The following JAKMIP3 variants were observed in gnomAD, a reference collection of about 807,000 sequenced individuals.
The protein encoded by JAKMIP3 is janus kinase and microtubule-interacting protein 3.
In JAKMIP3, 58 loss-of-function variants were observed where a neutral mutation model predicts 118.5. The observed-to-expected ratio is 0.49, with a 90% CI of 0.40 to 0.61. The LOEUF (loss-of-function observed/expected upper bound fraction) is 0.61. Among genes scored for constraint, JAKMIP3 ranks in the 20% least tolerant of loss-of-function variants. The probability of loss-of-function intolerance (pLI) is 0.00; values close to 1 mark genes in which losing one functional copy is unlikely to be tolerated. For missense variants in JAKMIP3, 950 were observed against 1,109.0 expected (o/e 0.86, Z 2.04); for synonymous variants, 486 against 451.2 (o/e 1.08, Z -0.98).
In JAKMIP3 at chr10:132,135,745, TCTGGGCAAGTGGGTTCACCCGGGCG is replaced by T. The variant is rs1198311254; in HGVS notation, c.970-178_970-154del. Among the ~76,000 whole-genome samples, 208 of 152,216 alleles carry T rather than the reference TCTGGGCAAGTGGGTTCACCCGGGCG, an allele frequency of 1.4e-3. 1 individual carries two copies. The highest frequency in any genetic ancestry group is 4.9e-3 in the African/African-American group (205 of 41,542). The stretch of plus-strand genomic sequence containing the variant: ...ACTGGACGAGCAGGTTCACCAGTGC[TCTGGGCAAGTGGGTTCACCCGGGCG>T]CTGGGCCAGTGGGCACCACTTGGAG... On this transcript the variant is annotated intron_variant, in intron 5 of 23. Transcript: ENST00000684848.
intron 1 of JAKMIP3, among the ~76,000 whole-genome samples, chr10:132,039,973 T>C (rs1322213974): frequency 1.3e-5 from 2 of 152,230 alleles, no homozygotes; most frequent in Non-Finnish European, 2.9e-5. Flanking sequence ...AATTCTAAAA[T>C]TTCAGAAGGC....
intron 3 of JAKMIP3, among the ~76,000 whole-genome samples, chr10:132,119,655 C>G (rs528034445): frequency 8.3e-4 from 127 of 152,314 alleles, no homozygotes; most frequent in Non-Finnish European, 1.5e-3. Context: ...CTTTGTTCAC[C>G]TTAAAGAGTA....
chr10:132,092,096 C>T (rs572469343), intron 1 of JAKMIP3, among the ~76,000 whole-genome samples: 1 of 152,168 alleles, frequency 6.6e-6, no homozygotes, highest in South Asian at 2.1e-4. Context: ...ATACTGGCCC[C>T]CACTCTCTTC....
At chr10:132,078,578 A>C (rs1409028094) in intron 1 of JAKMIP3, among the ~76,000 whole-genome samples, 5 of 130,172 alleles carry the variant, frequency 3.8e-5, no homozygotes, top group South Asian at 2.7e-4. Flanking sequence ...TGCGCATAAC[A>C]CGCCCCCTTT....
intron 2 of JAKMIP3, among the ~76,000 whole-genome samples, chr10:132,110,634 G>A (rs1031522401): frequency 1.3e-5 from 2 of 152,260 alleles, no homozygotes; most frequent in Admixed American, 6.5e-5. Context: ...TCTGGAAAAA[G>A]CGTCTTGGAT....
At chr10:132,099,015 A>G (rs2044405984) in intron 1 of JAKMIP3, among the ~76,000 whole-genome samples, 2 of 152,206 alleles carry the variant, frequency 1.3e-5, no homozygotes, top group South Asian at 4.1e-4. Context: ...TGGTGAGGTC[A>G]CAGGAGCTGC....
chr10:132,116,160 G>A (rs981747054), intron 2 of JAKMIP3, among the ~76,000 whole-genome samples: 7 of 152,332 alleles, frequency 4.6e-5, no homozygotes, highest in East Asian at 3.9e-4. Flanking sequence ...CTTCTGGAAC[G>A]TATTTTTGAT....
At chr10:132,088,407 G>T (rs928690179) in intron 1 of JAKMIP3, among the ~76,000 whole-genome samples, 6 of 152,140 alleles carry the variant, frequency 3.9e-5, no homozygotes, top group African/African-American at 1.4e-4. Flanking sequence ...ATTCTAACTG[G>T]TGTGAGATGG....
chr10:132,146,436 G>A (rs2054623111), intron 13 of JAKMIP3, among the ~76,000 whole-genome samples: 1 of 152,166 alleles, frequency 6.6e-6, no homozygotes, highest in Admixed American at 6.5e-5. Flanking sequence ...GGGAGCAGGT[G>A]ATGTGGCATG....
chr10:132,180,606 T>TGTGTGTGTGC lies in JAKMIP3; in HGVS notation c.*1104-1733_*1104-1724dup, dbSNP rs1326555299. On this transcript the variant is annotated intron_variant, in intron 23 of 23. Coordinates refer to ENST00000684848, the MANE Select transcript of JAKMIP3 (RefSeq NM_001323087.2). Reference sequence around the variant, plus strand: ...GTGCGCGTGTGTGTGTGCGTGCGCGTGTGTGTGTGCGTGTGTGTGCGTGTG... The same window carrying TGTGTGTGTGC: ...GTGCGCGTGTGTGTGTGCGTGCGCGTGTGTGTGTGCGTGTGTGTGCGTGTGTGTGCGTGTG... 1.6e-4 allele frequency among the ~76,000 whole-genome samples: 4 copies of TGTGTGTGTGC among 24,800 alleles called. 1 individual carries two copies. The highest frequency in any genetic ancestry group is 4.7e-4 in the African/African-American group (2 of 4,230). 16.3% of individuals were successfully genotyped at this position (24,800 alleles called of 152,430 possible).
chr10:132,040,250 A>G lies in JAKMIP3; in HGVS notation c.-138+3512A>G, dbSNP rs563899434. Among the ~76,000 whole-genome samples the G allele has an allele frequency of 1.2e-4, 18 of 152,336 alleles. No homozygotes were observed. The East Asian group carries it at 3.3e-3, about 28-fold the overall frequency. ...CACAGGGCACAGAGGCAGCTCTGTA[A>G]GCCAGGAAGGACCCTCACCAGGAAC... On this transcript the variant is annotated intron_variant, in intron 1 of 23. Transcript: ENST00000657785.
At position 132,112,825 on chromosome 10, in the gene JAKMIP3, C is replaced by A. The variant is rs1382830088; in HGVS notation, c.136-4252C>A. Among the ~76,000 whole-genome samples the A allele has an allele frequency of 1.3e-5, 2 of 152,208 alleles. No individual in the cohort carries two copies. The highest frequency in any genetic ancestry group is 2.9e-5 in the Non-Finnish European group (2 of 68,036). On this transcript the variant is annotated intron_variant, in intron 2 of 23. Coordinates refer to ENST00000684848, the MANE Select transcript of JAKMIP3 (RefSeq NM_001323087.2). This position sits in a 1 kb window ranked among gnomAD's most constrained non-coding sequence, Gnocchi z 4.3. Reference sequence around the variant, plus strand: ...GACGCATCTGACTCTCCAGCCGCCGCTTCTTGGTCAGCCTGCCTCTGCCTG... The same window carrying A: ...GACGCATCTGACTCTCCAGCCGCCGATTCTTGGTCAGCCTGCCTCTGCCTG...
At chr10:132,103,517 G>T (rs1435175249) in intron 1 of JAKMIP3, among the ~76,000 whole-genome samples, 1 of 139,722 alleles carries the variant, frequency 7.2e-6, no homozygotes, top group Non-Finnish European at 1.5e-5. Flanking sequence ...TTGGTGGGGG[G>T]AGCCTCTGAG....
intron 11 of JAKMIP3, 42 bp downstream of exon 11, chr10:132,142,090 C>G: frequency 6.4e-7 from 1 of 1,559,386 alleles, no homozygotes; most frequent in Non-Finnish European, 8.7e-7. Context: ...CCCCTCGTGC[C>G]TTCCCGCTTG....
At chr10:132,137,674 C>T (rs896339443) in intron 8 of JAKMIP3, among the ~76,000 whole-genome samples, 1 of 152,240 alleles carries the variant, frequency 6.6e-6, no homozygotes, top group Non-Finnish European at 1.5e-5. Flanking sequence ...CATGAAACCA[C>T]AGCATGGGTT....
At chr10:132,144,928 C>CAAA (rs201179686) in intron 11 of JAKMIP3, among the ~76,000 whole-genome samples, 179 bp from the exon 12 acceptor site, 1 of 149,400 alleles carries the variant, frequency 6.7e-6, no homozygotes, top group African/African-American at 2.5e-5. Context: ...AACCCTGTCT[C>CAAA]AAAAAAAAAC....
intron 1 of JAKMIP3, among the ~76,000 whole-genome samples, chr10:132,101,668 G>A (rs910211318): frequency 1.3e-5 from 2 of 152,084 alleles, no homozygotes; most frequent in African/African-American, 4.8e-5. Context: ...CGGCAGCCAG[G>A]AGAGGGCAGT....
chr10:132,063,818 CA>C (rs2038493706), upstream of JAKMIP3, among the ~76,000 whole-genome samples: 1 of 152,158 alleles, frequency 6.6e-6, no homozygotes, highest in South Asian at 2.1e-4. Flanking sequence ...AGATACAAAA[CA>C]AAATATCAAG....
At chr10:132,159,825 G>A (rs1305784455) in intron 19 of JAKMIP3, among the ~76,000 whole-genome samples, 6 of 58,760 alleles carry the variant, frequency 1.0e-4, no homozygotes, top group African/African-American at 3.9e-4. Flanking sequence ...ATGCTGGGGG[G>A]CCTCTCCCTG....
Sources: allele counts gnomAD v4.1 joint callset (sites outside exome capture counted in the v4.1 genomes callset), GRCh38; gene constraint gnomAD v4.1.1; non-coding constraint Gnocchi (gnomAD v3.1); transcripts MANE v1.5; gene names NCBI Gene and HGNC (gene_info 2026-07-23, HGNC 2026-07-21).